The following MYO19 variants were observed in gnomAD, a reference collection of about 807,000 sequenced individuals.
MYO19 encodes unconventional myosin-XIX.
In MYO19, 132 loss-of-function variants were observed where a neutral mutation model predicts 129.2. The observed-to-expected ratio is 1.02, with a 90% CI of 0.89 to 1.18. MYO19 has a LOEUF of 1.18. MYO19 is among the 50% of genes most tolerant of loss of function. The pLI is 0.00. For missense variants in MYO19, 1,210 were observed against 1,216.7 expected, an observed-to-expected ratio of 0.99 and a Z score of 0.08; for synonymous variants, 531 against 477.2, an observed-to-expected ratio of 1.11 and a Z score of -1.47.
At chr17:36,543,903 A>AG (rs1421938842), upstream of MYO19, among the ~76,000 whole-genome samples, 1 of 152,184 alleles carries the variant, frequency 6.6e-6, no homozygotes, top group Non-Finnish European at 1.5e-5. Flanking sequence ...CTGGGATTAC[A>AG]GGCGTGAGCC....
upstream of MYO19, chr17:36,538,776 C>G: frequency 1.5e-6 from 1 of 668,854 alleles, no homozygotes; most frequent in Non-Finnish European, 2.5e-6. Context: ...TTTTTTGAGA[C>G]AGAGTCTTGC....
chr17:36,536,659 C>T (rs902645622), upstream of MYO19, among the ~76,000 whole-genome samples: 6 of 151,596 alleles, frequency 4.0e-5, no homozygotes, highest in East Asian at 7.8e-4. Flanking sequence ...GGATTACAGG[C>T]GGGTGCCATC....
At chr17:36,526,055 C>T (rs756095708) in intron 5 of MYO19, among the ~76,000 whole-genome samples, 1 of 152,172 alleles carries the variant, frequency 6.6e-6, no homozygotes, top group Non-Finnish European at 1.5e-5. Context: ...GCAGTGATCA[C>T]TTACCCACAG....
upstream of MYO19, chr17:36,538,725 A>ATG: frequency 5.3e-6 from 5 of 952,170 alleles, no homozygotes; most frequent in Non-Finnish European, 6.2e-6. Flanking sequence ...ATTATAAAAT[A>ATG]GTTTCAGTCA....
In MYO19 at chr17:36,532,663, A is replaced by C; in HGVS notation, c.-125T>G. ...AAGGGCTCAGTTCTGGAGGAATCTC[A>C]GACAAGTCACTCCAGCGCCTGTGGC... On this transcript the variant is annotated 5_prime_UTR_variant, in exon 3 of 26. Transcript: ENST00000614623. 9 of 1,182,840 alleles carry C rather than the reference A, an allele frequency of 7.6e-6. No homozygotes were observed. Among genetic ancestry groups the C allele is most frequent in the African/African-American group, 1.5e-5 (1 of 65,834 alleles). 73.3% of individuals were successfully genotyped at this position (1,182,840 alleles called of 1,614,324 possible). A position where few individuals can be genotyped will look rare whatever the true frequency, so the allele number is the denominator to read the frequency against.
At chr17:36,515,637 G>A (rs1001481200) in intron 7 of MYO19, among the ~76,000 whole-genome samples, 1 of 152,220 alleles carries the variant, frequency 6.6e-6, no homozygotes. Flanking sequence ...ACTGTTATGT[G>A]TGCCTAGGCT....
Position 36,527,102 on chromosome 17 carries a change from G to A in MYO19, c.300+449C>T, listed in dbSNP as rs140490493. Among the ~76,000 whole-genome samples, 1,057 of 152,154 alleles carry A rather than the reference G, an allele frequency of 6.9e-3. 7 individuals carry two copies. The highest frequency in any genetic ancestry group is 0.01 in the Non-Finnish European group (711 of 68,008). ...AATTGCTTGAACTCAGGAGGTGGAG[G>A]TTGCGCTGAGCCCAGATCATGCCAT... is the stretch of plus-strand genomic sequence containing the variant. On this transcript the variant is annotated intron_variant, in intron 5 of 25. Transcript: ENST00000614623.
chr17:36,498,926 G>A (rs1296849959), intron 24 of MYO19, 149 bp downstream of exon 24: 1 of 646,768 alleles, frequency 1.5e-6, no homozygotes, highest in Admixed American at 2.4e-5. Flanking sequence ...TGTGCCCACT[G>A]CATACATGAG....
Position 36,510,798 on chromosome 17 carries a change from G to A in MYO19, c.1105C>T (p.Arg369Ter), listed in dbSNP as rs757262975. Residue 369 changes from arginine (R) to a stop codon, truncating the protein, a stop_gained, in exon 13 of 26, where the codon CGA becomes TGA. Coordinates refer to ENST00000614623, the MANE Select transcript of MYO19 (RefSeq NM_001163735.2). LOFTEE classifies it high-confidence loss of function. ...TCTCTACGGGTGTCACACTCGGCTC[G>A]GGCGCAGGGCTTCCGGAACACCTGC... ...QQQVFRKPCA[R>*]AECDTRRDCL... is the part of the protein sequence containing the mutation. 1.6e-5 allele frequency: 25 copies of A among 1,603,064 alleles called. No homozygotes were observed. The highest frequency in any genetic ancestry group is 4.0e-5 in the African/African-American group (3 of 74,820).
chr17:36,537,068 C>A (rs1157324441), upstream of MYO19: 1 of 1,529,300 alleles, frequency 6.5e-7, no homozygotes. Flanking sequence ...TTTCACAAAT[C>A]CATTCCTTTG....
rs1434683428 is a variant in MYO19, at chr17:36,496,844, G to A, written c.2758-438C>T. ...TTATAGACAGGCTCCGAGAAAATGT[G>A]TCTTAGCCAAGATCATCCAGTGAAT... On this transcript the variant is annotated intron_variant, in intron 25 of 25. Transcript: ENST00000614623. Among the ~76,000 whole-genome samples the A allele has an allele frequency of 2.0e-5, 3 of 152,150 alleles. No homozygotes were observed. In the South Asian group the frequency reaches 6.2e-4, roughly 32 times the overall value.
chr17:36,513,263 T>C lies in MYO19; in HGVS notation c.894+166A>G, dbSNP rs77926058. On this transcript the variant is annotated intron_variant, in intron 11 of 25. Transcript: ENST00000614623. Reference sequence around the variant, plus strand: ...GCCCCGTCCACCCCACCACCTGGTCTCCAGACTCAGCAGAACAGAGGTGAC... The same window carrying C: ...GCCCCGTCCACCCCACCACCTGGTCCCCAGACTCAGCAGAACAGAGGTGAC... 1,027 of 1,480,340 alleles carry C rather than the reference T, an allele frequency of 6.9e-4. 6 individuals are homozygous for C. In the African/African-American group the frequency reaches 0.012, roughly 18 times the overall value. 91.7% of individuals were successfully genotyped at this position (1,480,340 alleles called of 1,614,324 possible). A position where few individuals can be genotyped will look rare whatever the true frequency, so the allele number is the denominator to read the frequency against.
Position 36,507,098 on chromosome 17 carries a change from C to T in MYO19, c.1509G>A (p.Gln503=). 6.2e-7 allele frequency: 1 copy of T among 1,612,590 alleles called. No homozygotes were observed. The highest frequency in any genetic ancestry group is 2.2e-5 in the East Asian group (1 of 44,808). ...LNRPSSAAQL[Q]TRIETALAGS... The stretch of plus-strand genomic sequence containing the variant: ...CTGCCAGGGCAGTCTCAATGCGTGT[C>T]TGGAGCTGGGCTGCGCTGCTGGGTC... Residue 503 remains glutamine, a synonymous_variant, in exon 17 of 26, where the codon CAG becomes CAA. Transcript: ENST00000614623.
At chr17:36,511,596 A>G in intron 11 of MYO19, 141 bp from the exon 12 acceptor site, 3 of 732,120 alleles carry the variant, frequency 4.1e-6, no homozygotes, top group Non-Finnish European at 7.1e-6. Flanking sequence ...TCTGCCAGAC[A>G]CAATTCTATA....
intron 6 of MYO19, among the ~76,000 whole-genome samples, chr17:36,522,821 C>A (rs755936143): frequency 6.6e-6 from 1 of 152,050 alleles, no homozygotes; most frequent in Non-Finnish European, 1.5e-5. Flanking sequence ...TCCTGGCTAA[C>A]ACAGTGAAAC....
chr17:36,512,271 T>A (rs2072398724), intron 11 of MYO19, among the ~76,000 whole-genome samples: 1 of 147,318 alleles, frequency 6.8e-6, no homozygotes, highest in African/African-American at 2.6e-5. Context: ...ATGCCTGTAA[T>A]CCCAGCTACT....
intron 16 of MYO19, 116 bp downstream of exon 16, chr17:36,507,283 G>A: frequency 4.3e-6 from 6 of 1,406,320 alleles, no homozygotes; most frequent in Non-Finnish European, 5.9e-6. Context: ...GCAATTAGCA[G>A]ATCTATTTGG....
chr17:36,521,231 G>A (rs1225462259), intron 6 of MYO19, among the ~76,000 whole-genome samples: 2 of 152,120 alleles, frequency 1.3e-5, no homozygotes, highest in South Asian at 2.1e-4. Context: ...AATCTTGTAC[G>A]TAAACACAGA....
chr17:36,511,958 G>T (rs909898476), intron 11 of MYO19, among the ~76,000 whole-genome samples: 2 of 152,086 alleles, frequency 1.3e-5, no homozygotes, highest in Non-Finnish European at 2.9e-5. Flanking sequence ...TGTCCGATGG[G>T]TGCCCCTTTG....
Sources: gnomAD v4.1 joint callset for allele counts (sites outside exome capture counted in the v4.1 genomes callset) on GRCh38, gnomAD v4.1.1 for gene constraint, MANE v1.5 for transcripts, NCBI Gene and HGNC (gene_info 2026-07-23, HGNC 2026-07-21) for gene names.